Variants in MPC2 observed in about 807,000 individuals in gnomAD.
MPC2 encodes mitochondrial pyruvate carrier 2.
MPC2 carries 19 observed loss-of-function variants against 19.2 expected under a neutral mutation model. The observed-to-expected ratio is 0.99, with a 90% CI of 0.69 to 1.45. The LOEUF is 1.45. Among genes scored for constraint, MPC2 ranks in the 40% most tolerant of loss-of-function variants. MPC2 has a pLI of 0.00. For missense variants in MPC2, 122 were observed against 153.0 expected (o/e 0.80, Z 1.07); for synonymous variants, 61 against 54.3 (o/e 1.12, Z -0.54).
In MPC2 at chr1:167,918,135, G is replaced by C; in HGVS notation, c.*188C>G. 2.1e-6 allele frequency: 1 copy of C among 486,528 alleles called. No homozygotes were observed. Among genetic ancestry groups the C allele is most frequent in the Middle Eastern group, 3.9e-4 (1 of 2,538 alleles). The allele number at this position is 486,528 out of a possible 1,614,324, so 30.1% of individuals were successfully genotyped here. On this transcript the variant is annotated 3_prime_UTR_variant, in exon 6 of 6. Coordinates refer to ENST00000271373, the MANE Select transcript of MPC2 (RefSeq NM_001143674.4). The stretch of plus-strand genomic sequence containing the variant: ...AAATGTTACTAATATCCATAGATAA[G>C]TTCCTTAAGTCATGTAGAGAGACTG...
At position 167,918,182 on chromosome 1, in the gene MPC2, T is replaced by C; in HGVS notation, c.*141A>G. 1.7e-6 allele frequency: 1 copy of C among 598,292 alleles called. No homozygotes were observed. The highest frequency in any genetic ancestry group is 2.5e-5 in the South Asian group (1 of 39,238). The allele number at this position is 598,292 out of a possible 1,614,324, so 37.1% of individuals were successfully genotyped here. A position where few individuals can be genotyped will look rare whatever the true frequency, so the allele number is the denominator to read the frequency against. ...ACTGTTATTAAAAGTTTGCTGCATT[T>C]TTCTATTGAATCAAGAACTAGCTAC... On this transcript the variant is annotated 3_prime_UTR_variant, in exon 6 of 6. Coordinates refer to ENST00000271373, the MANE Select transcript of MPC2 (RefSeq NM_001143674.4).
intron 2 of MPC2, among the ~76,000 whole-genome samples, chr1:167,931,568 T>C (rs1034180255): frequency 2.0e-5 from 3 of 151,982 alleles, no homozygotes; most frequent in Non-Finnish European, 4.4e-5. Flanking sequence ...TATGGACATA[T>C]ATTAATATCT....
intron 2 of MPC2, among the ~76,000 whole-genome samples, chr1:167,931,743 A>G (rs1670917511): frequency 1.3e-5 from 2 of 152,108 alleles, no homozygotes; most frequent in Non-Finnish European, 2.9e-5. Flanking sequence ...ATTTGCACTA[A>G]GTTGTATTTA....
chr1:167,933,848 G>C (rs1670984561), intron 2 of MPC2, among the ~76,000 whole-genome samples: 1 of 152,130 alleles, frequency 6.6e-6, no homozygotes, highest in South Asian at 2.1e-4. Flanking sequence ...TCTGTATGTT[G>C]CTCAAATTTT....
In MPC2 at chr1:167,920,533, T is replaced by C; in HGVS notation, c.235+14A>G. 1 of 1,610,768 alleles carries C rather than the reference T, an allele frequency of 6.2e-7. No homozygotes were observed. ...TGTTCTACAAGAAACACAGAAGATA[T>C]TTATTTAATTTACCTGTAGCCATCA... On this transcript the variant is annotated intron_variant, in intron 4 of 5. Coordinates refer to ENST00000271373, the MANE Select transcript of MPC2 (RefSeq NM_001143674.4).
chr1:167,923,619 G>A (rs1409478967), intron 3 of MPC2, among the ~76,000 whole-genome samples: 2 of 151,868 alleles, frequency 1.3e-5, no homozygotes. Context: ...GGTTAACAAT[G>A]ATGTAAATGT....
At chr1:167,920,129 T>TGC in intron 4 of MPC2, 39 bp from the exon 5 acceptor site, 1 of 1,278,134 alleles carries the variant, frequency 7.8e-7, no homozygotes, top group Non-Finnish European at 1.1e-6. Flanking sequence ...GAATACATAC[T>TGC]GCTTCAATAA....
chr1:167,934,319 AG>A lies in MPC2; in HGVS notation c.109+1413del, dbSNP rs1337711297. Among the ~76,000 whole-genome samples, 4 of 152,300 alleles carry A rather than the reference AG, an allele frequency of 2.6e-5. No individual in the cohort carries two copies. The East Asian group carries it at 7.7e-4, about 29-fold the overall frequency. On this transcript the variant is annotated intron_variant, in intron 2 of 5. Coordinates refer to ENST00000271373, the MANE Select transcript of MPC2 (RefSeq NM_001143674.4). ...CCCTTATCCTACAGCTAAAACACAA[AG>A]CTTATGAAGGTCAGGGTTGACTTCA...
chr1:167,932,676 G>A (rs1325667348), intron 2 of MPC2, among the ~76,000 whole-genome samples: 7 of 151,898 alleles, frequency 4.6e-5, no homozygotes, highest in African/African-American at 1.7e-4. Context: ...GAGCATGGTG[G>A]CACATGCCTG....
intron 2 of MPC2, 27 bp downstream of exon 2, chr1:167,935,706 G>A (rs375999580): frequency 6.5e-7 from 1 of 1,534,258 alleles, no homozygotes; most frequent in Non-Finnish European, 8.8e-7. Context: ...GGAAGGTCTC[G>A]ATAAGGAGCC....
chr1:167,929,992 T>TA (rs1670865819), intron 2 of MPC2, among the ~76,000 whole-genome samples: 1 of 152,184 alleles, frequency 6.6e-6, no homozygotes, highest in Non-Finnish European at 1.5e-5. Flanking sequence ...ACAAACTAGA[T>TA]ACAAATCCTT....
chr1:167,934,144 G>A (rs1670991274), intron 2 of MPC2, among the ~76,000 whole-genome samples: 1 of 152,112 alleles, frequency 6.6e-6, no homozygotes. Flanking sequence ...GCAAGTGAAA[G>A]GTAATCCCTC....
chr1:167,925,744 TC>T (rs1670741773), intron 2 of MPC2, among the ~76,000 whole-genome samples: 1 of 151,754 alleles, frequency 6.6e-6, no homozygotes, highest in Non-Finnish European at 1.5e-5. Flanking sequence ...AGACAGGGTT[TC>T]ACCATGTTGG....
intron 2 of MPC2, among the ~76,000 whole-genome samples, chr1:167,931,644 A>T (rs1202581585): frequency 6.6e-6 from 1 of 152,080 alleles, no homozygotes; most frequent in South Asian, 2.1e-4. Flanking sequence ...CAGAGATGCT[A>T]AAGAACTGTG....
Position 167,935,868 on chromosome 1 carries a change from G to A in MPC2, c.-27C>T, listed in dbSNP as rs11553557. ...GCCGCCGAGGGATCGTTGGCAGCCGGGTGGGAGCGTGGCTGTGTTCTCGTC... is the reference window on the plus strand; with the variant it reads ...GCCGCCGAGGGATCGTTGGCAGCCGAGTGGGAGCGTGGCTGTGTTCTCGTC... On this transcript the variant is annotated 5_prime_UTR_variant, in exon 2 of 6. Transcript: ENST00000271373. 1.2e-4 allele frequency: 177 copies of A among 1,520,474 alleles called. No individual in the cohort carries two copies. The highest frequency in any genetic ancestry group is 1.5e-4 in the Non-Finnish European group (163 of 1,120,872). The allele number at this position is 1,520,474 out of a possible 1,614,324, so 94.2% of individuals were successfully genotyped here.
chr1:167,930,210 TA>T (rs1209834028), intron 2 of MPC2, among the ~76,000 whole-genome samples: 2 of 152,194 alleles, frequency 1.3e-5, no homozygotes, highest in Admixed American at 1.3e-4. Flanking sequence ...ATAATGTTTT[TA>T]AAAATGTTGA....
At chr1:167,918,694 C>T (rs1253744260) in intron 5 of MPC2, among the ~76,000 whole-genome samples, 3 of 150,764 alleles carry the variant, frequency 2.0e-5, no homozygotes, top group South Asian at 2.1e-4. Context: ...CCCGGGTTCA[C>T]GCCATTCTCC....
rs1571502667 is a variant in MPC2, at chr1:167,918,047, G to A, written c.*276C>T. 1.0e-5 allele frequency: 3 copies of A among 287,586 alleles called. No individual in the cohort carries two copies. In the South Asian group the frequency reaches 2.8e-4, roughly 27 times the overall value. 17.8% of individuals were successfully genotyped at this position (287,586 alleles called of 1,614,324 possible). A position where few individuals can be genotyped will look rare whatever the true frequency, so the allele number is the denominator to read the frequency against. On this transcript the variant is annotated 3_prime_UTR_variant, in exon 6 of 6. Transcript: ENST00000271373. ...TTTTATGTACATATGTTGGCTGACTGGAACAGAAGGAGGCAGGGGGTATAT... is the reference window on the plus strand; with the variant it reads ...TTTTATGTACATATGTTGGCTGACTAGAACAGAAGGAGGCAGGGGGTATAT...
At chr1:167,919,744 T>G (rs1230173330) in intron 5 of MPC2, among the ~76,000 whole-genome samples, 2 of 152,204 alleles carry the variant, frequency 1.3e-5, no homozygotes, top group Admixed American at 1.3e-4. Context: ...TAACTGATTT[T>G]AGTCAGTTAA....
Sources: allele counts gnomAD v4.1 joint callset (sites outside exome capture counted in the v4.1 genomes callset), GRCh38; gene constraint gnomAD v4.1.1; transcripts MANE v1.5; gene names NCBI Gene and HGNC (gene_info 2026-07-23, HGNC 2026-07-21).